The following DMD variants were observed in gnomAD, a reference collection of about 807,000 sequenced individuals.
DMD encodes dystrophin.
DMD carries 63 observed loss-of-function variants against 330.1 expected under a neutral mutation model. The observed-to-expected ratio is 0.19, with a 90% CI of 0.16 to 0.24. The LOEUF (loss-of-function observed/expected upper bound fraction) is 0.24, where lower values mean the gene tolerates loss of function less well. Among genes scored for constraint, DMD ranks in the 10% least tolerant of loss-of-function variants. DMD has a pLI of 1.00. For synonymous variants in DMD, 1,223 were observed against 959.8 expected (o/e 1.27, Z -5.07); for missense variants, 3,344 against 2,684.1 (o/e 1.25, Z -5.43).
intron 55 of DMD, among the ~76,000 whole-genome samples, chrX:31,542,449 C>T (rs1300671620): frequency 8.9e-6 from 1 of 112,168 alleles, no homozygotes; most frequent in African/African-American, 3.2e-5. Flanking sequence ...ATGTAAATTA[C>T]TTATCTGTAT....
intron 34 of DMD, among the ~76,000 whole-genome samples, chrX:32,371,913 G>A (rs987914445): frequency 9.0e-6 from 1 of 111,632 alleles, no homozygotes; most frequent in Non-Finnish European, 1.9e-5. Flanking sequence ...TTCTGCACTT[G>A]AAATTTAGCC....
intron 56 of DMD, among the ~76,000 whole-genome samples, chrX:31,506,564 T>C (rs1400670971): frequency 8.9e-6 from 1 of 112,538 alleles, no homozygotes; most frequent in East Asian, 2.8e-4. Flanking sequence ...CTTTTGTTCC[T>C]CCACGGAACT....
chrX:31,731,347 T>C (rs760747837), intron 51 of DMD, among the ~76,000 whole-genome samples: 20 of 111,682 alleles, frequency 1.8e-4, no homozygotes, highest in Non-Finnish European at 3.8e-4. Context: ...TAGTAGCAGG[T>C]AGATTTTATG....
intron 55 of DMD, among the ~76,000 whole-genome samples, chrX:31,522,109 T>C (rs947880123): frequency 1.4e-4 from 15 of 109,763 alleles, no homozygotes; most frequent in African/African-American, 5.0e-4. Flanking sequence ...GATTTGCAGA[T>C]GCCATCATAC....
chrX:32,955,998 C>T (rs1285473141), intron 2 of DMD, among the ~76,000 whole-genome samples: 2 of 111,637 alleles, frequency 1.8e-5, no homozygotes, highest in Admixed American at 1.9e-4. Flanking sequence ...TCTCTTTTTG[C>T]TTAGTATTGC....
Position 31,852,246 on chromosome X carries a change from G to A in DMD, c.7099-15427C>T, listed in dbSNP as rs752830891. Among the ~76,000 whole-genome samples, 4 of 111,933 alleles carry A rather than the reference G, an allele frequency of 3.6e-5. No homozygotes were observed. In the Admixed American group the frequency reaches 3.8e-4, roughly 11 times the overall value. ...TAAGATTAGACTTTAAGAATGCAGA[G>A]AACAGATGGCAGTTAAGAACAGATT... is the stretch of plus-strand genomic sequence containing the variant. On this transcript the variant is annotated intron_variant, in intron 48 of 78. Coordinates refer to ENST00000357033, the MANE Select transcript of DMD (RefSeq NM_004006.3).
At chrX:32,223,594 G>T (rs1178615374) in intron 43 of DMD, among the ~76,000 whole-genome samples, 1 of 111,604 alleles carries the variant, frequency 9.0e-6, no homozygotes, top group African/African-American at 3.3e-5. Flanking sequence ...AGGTTATGCA[G>T]ATCTTTGAAT....
intron 48 of DMD, among the ~76,000 whole-genome samples, chrX:31,867,072 T>TAA (rs942717392): frequency 2.1e-5 from 2 of 94,182 alleles, no homozygotes; most frequent in African/African-American, 8.2e-5. Flanking sequence ...TGAATATACT[T>TAA]AAGTATGCAA....
chrX:32,377,871 T>A (rs2097910196), intron 34 of DMD, among the ~76,000 whole-genome samples: 1 of 110,926 alleles, frequency 9.0e-6, no homozygotes, highest in Admixed American at 9.6e-5. Context: ...AATCTGAAAA[T>A]CTGAAAACAA....
intron 44 of DMD, among the ~76,000 whole-genome samples, chrX:32,201,067 A>T (rs1278439032): frequency 8.9e-6 from 1 of 111,755 alleles, no homozygotes; most frequent in Non-Finnish European, 1.9e-5. Context: ...ACAGTGGTTT[A>T]CCCCTTATCT....
intron 1 of DMD, among the ~76,000 whole-genome samples, chrX:33,152,671 G>A (rs181193857): frequency 9.0e-6 from 1 of 111,264 alleles, no homozygotes; most frequent in East Asian, 2.8e-4. Context: ...AAGCGGCTAA[G>A]TTCACGTATG....
intron 60 of DMD, among the ~76,000 whole-genome samples, chrX:31,410,506 T>C (rs1388507944): frequency 9.0e-6 from 1 of 111,350 alleles, no homozygotes; most frequent in African/African-American, 3.3e-5. Context: ...TGCAGTATAC[T>C]TTTCCTTATA....
At chrX:31,248,374 T>C in intron 63 of DMD, among the ~76,000 whole-genome samples, 1 of 111,916 alleles carries the variant, frequency 8.9e-6, no homozygotes, top group East Asian at 2.8e-4. Flanking sequence ...CGCAAGTACT[T>C]TCATCAAATG....
At chrX:32,910,003 A>G (rs2149331918) in intron 2 of DMD, among the ~76,000 whole-genome samples, 1 of 111,431 alleles carries the variant, frequency 9.0e-6, no homozygotes, top group East Asian at 2.8e-4. Context: ...TCCTTTGCAC[A>G]AAGACAAAAT....
At chrX:31,845,054 G>GTATACATATATATATATATA (rs770729132) in intron 48 of DMD, among the ~76,000 whole-genome samples, 1 of 82,415 alleles carries the variant, frequency 1.2e-5, no homozygotes, top group African/African-American at 5.2e-5. Context: ...ATGTATATGT[G>GTATACATATATATATATATA]TGTATATATA....
chrX:32,556,325 T>G (rs1022387342), intron 16 of DMD, among the ~76,000 whole-genome samples: 22 of 110,611 alleles, frequency 2.0e-4, no homozygotes, highest in Admixed American at 1.4e-3. Context: ...TAGATGCTGG[T>G]GAGGTTGTGG....
chrX:32,706,777 C>G (rs1005473156), intron 7 of DMD, among the ~76,000 whole-genome samples: 1 of 111,228 alleles, frequency 9.0e-6, no homozygotes, highest in Non-Finnish European at 1.9e-5. Flanking sequence ...ATAATGGTAG[C>G]TGGAAGTAAT....
chrX:31,137,891 A>G (rs2035464699), intron 76 of DMD, among the ~76,000 whole-genome samples: 1 of 111,293 alleles, frequency 9.0e-6, no homozygotes, highest in Admixed American at 9.5e-5. Flanking sequence ...TTGCACAAGT[A>G]TTTGAGGGAA....
At chrX:33,337,391 C>G (rs1191795760) in intron 1 of DMD, among the ~76,000 whole-genome samples, 1 of 111,259 alleles carries the variant, frequency 9.0e-6, no homozygotes, top group African/African-American at 3.3e-5. Context: ...ACAAAATAAC[C>G]CTGTAGCATT....
Sources: gnomAD v4.1 joint callset for allele counts (sites outside exome capture counted in the v4.1 genomes callset) on GRCh38, gnomAD v4.1.1 for gene constraint, MANE v1.5 for transcripts, NCBI Gene and HGNC (gene_info 2026-07-23, HGNC 2026-07-21) for gene names.